DOCK2: variants seen among roughly 807,000 people sequenced by gnomAD.
DOCK2 encodes the protein dedicator of cytokinesis 2.
A neutral mutation model predicts 248.9 loss-of-function variants in DOCK2; 87 were observed. The ratio of observed to expected loss-of-function variants is 0.35; its 90% CI spans 0.29 to 0.42. The LOEUF (loss-of-function observed/expected upper bound fraction) is 0.42, where lower values mean the gene tolerates loss of function less well. Ranked by LOEUF, DOCK2 falls within the 10% of genes least tolerant of loss-of-function variation. The pLI is 1.00. For synonymous variants in DOCK2, 805 were observed against 821.6 expected, an observed-to-expected ratio of 0.98 and a Z score of 0.35; for missense variants, 1,747 against 2,300.2, an observed-to-expected ratio of 0.76 and a Z score of 4.92.
chr5:170,012,246 C>T (rs1755328465), intron 32 of DOCK2, among the ~76,000 whole-genome samples: 1 of 147,560 alleles, frequency 6.8e-6, no homozygotes, highest in Admixed American at 6.7e-5. Context: ...AAAGTGTATG[C>T]ATATTGTTTC....
chr5:170,036,811 A>T (rs1256109599), intron 36 of DOCK2, among the ~76,000 whole-genome samples: 1 of 152,136 alleles, frequency 6.6e-6, no homozygotes, highest in Non-Finnish European at 1.5e-5. Context: ...TTTCCTTAAG[A>T]GTGAATACTT....
intron 27 of DOCK2, among the ~76,000 whole-genome samples, chr5:169,924,810 G>A (rs1257806716): frequency 6.6e-6 from 1 of 151,872 alleles, no homozygotes; most frequent in Non-Finnish European, 1.5e-5. Flanking sequence ...ACGCTCTTTG[G>A]CCTGGCACAT....
chr5:169,796,830 G>C (rs1348716325), intron 25 of DOCK2, among the ~76,000 whole-genome samples: 1 of 152,174 alleles, frequency 6.6e-6, no homozygotes, highest in East Asian at 1.9e-4. Flanking sequence ...TCAGGAGAAG[G>C]AGAGAGTTTG....
chr5:170,018,614 C>T (rs1413880905), intron 32 of DOCK2, among the ~76,000 whole-genome samples: 4 of 152,210 alleles, frequency 2.6e-5, no homozygotes, highest in Non-Finnish European at 4.4e-5. Context: ...GACATAATTT[C>T]AAATGTGCTG....
chr5:169,797,290 A>T (rs573463768), intron 25 of DOCK2, among the ~76,000 whole-genome samples: 2 of 152,216 alleles, frequency 1.3e-5, no homozygotes, highest in African/African-American at 2.4e-5. Flanking sequence ...GTGATTGCAG[A>T]TGTGATTTTG....
chr5:169,930,623 C>T lies in DOCK2; in HGVS notation c.2800-52445C>T, dbSNP rs75977758. The stretch of plus-strand genomic sequence containing the variant: ...TGCCAAATCAATTTGTGCAAAATAA[C>T]GGTAGACAAGGATGAGCTGCGGCTG... On this transcript the variant is annotated intron_variant, in intron 27 of 51. Coordinates refer to ENST00000520908, the MANE Select transcript of DOCK2 (RefSeq NM_004946.3). Among the ~76,000 whole-genome samples, 1,082 of 152,256 alleles carry T rather than the reference C, an allele frequency of 7.1e-3. 14 individuals carry two copies. Among genetic ancestry groups the T allele is most frequent in the African/African-American group, 0.025 (1,040 of 41,530 alleles).
chr5:169,939,684 G>A (rs13174771), intron 27 of DOCK2, among the ~76,000 whole-genome samples: 35,074 of 152,064 alleles, frequency 0.23, 4,257 homozygotes, highest in Non-Finnish European at 0.26. Flanking sequence ...GCTCCATTCC[G>A]TCATTGACTG....
chr5:169,702,587 A>C (rs1012475525), intron 14 of DOCK2, 160 bp downstream of exon 14: 5 of 992,266 alleles, frequency 5.0e-6, no homozygotes, highest in Non-Finnish European at 7.1e-6. Flanking sequence ...TGGTTAGTGC[A>C]GTGTTCCATA....
intron 36 of DOCK2, among the ~76,000 whole-genome samples, chr5:170,036,787 C>T (rs1040914715): frequency 3.3e-5 from 5 of 152,314 alleles, no homozygotes; most frequent in African/African-American, 1.2e-4. Context: ...TCCTGTTGTT[C>T]CCACAGATCA....
chr5:170,082,852 C>A lies in DOCK2; in HGVS notation c.5487C>A (p.Asp1829Glu). The change falls in exon 52 of 52, where the codon GAC becomes GAA. Residue 1829 changes from aspartate (D) to glutamate (E), a missense_variant. By Grantham distance (45) the Asp-to-Glu change is conservative. Around this residue, in one of 4 missense-constraint regions of DOCK2, gnomAD observed 513 missense variants for 586.1 expected, o/e 0.88. Transcript: ENST00000520908. Reference sequence around the variant, plus strand: ...AGATCCCAGACTCGCTGTCCACGGACCTGTGAGCTGCTGCTGACTAGGGCT... The same window carrying A: ...AGATCCCAGACTCGCTGTCCACGGAACTGTGAGCTGCTGCTGACTAGGGCT... Reference protein sequence around the residue: ...GKQIPDSLSTDL With the variant: ...GKQIPDSLSTEL 6.2e-7 allele frequency: 1 copy of A among 1,614,174 alleles called. No homozygotes were observed. Among genetic ancestry groups the A allele is most frequent in the Non-Finnish European group, 8.5e-7 (1 of 1,180,026 alleles).
intron 25 of DOCK2, among the ~76,000 whole-genome samples, chr5:169,772,332 T>C (rs961764762): frequency 6.6e-6 from 1 of 152,228 alleles, no homozygotes; most frequent in Non-Finnish European, 1.5e-5. Flanking sequence ...ATGAAAGAAA[T>C]AATTTTCCTT....
chr5:169,931,605 C>T (rs1775757776), intron 27 of DOCK2, among the ~76,000 whole-genome samples: 1 of 152,208 alleles, frequency 6.6e-6, no homozygotes, highest in South Asian at 2.1e-4. Context: ...TTGACTTTGG[C>T]AAACTGACAC....
intron 30 of DOCK2, among the ~76,000 whole-genome samples, chr5:169,998,684 C>A (rs988627551): frequency 6.6e-6 from 1 of 152,158 alleles, no homozygotes; most frequent in African/African-American, 2.4e-5. Context: ...AAGTTGGGAC[C>A]AGAACACAGT....
intron 10 of DOCK2, among the ~76,000 whole-genome samples, chr5:169,696,894 C>T (rs1468406953): frequency 6.6e-6 from 1 of 151,952 alleles, no homozygotes; most frequent in Non-Finnish European, 1.5e-5. Context: ...GCATTTTCCC[C>T]AGAGCCTTAG....
At chr5:169,952,557 A>G (rs557129295) in intron 27 of DOCK2, among the ~76,000 whole-genome samples, 44 of 152,280 alleles carry the variant, frequency 2.9e-4, no homozygotes, top group African/African-American at 1.0e-3. Context: ...CTGAGAAGGT[A>G]GTGTGGCACT....
chr5:169,804,646 T>C (rs1197502926), intron 26 of DOCK2, among the ~76,000 whole-genome samples: 2 of 152,216 alleles, frequency 1.3e-5, no homozygotes, highest in African/African-American at 4.8e-5. Context: ...CTGCTCACCC[T>C]GATCCTAGAT....
intron 48 of DOCK2, 81 bp from the exon 49 acceptor site, chr5:170,078,894 C>T: frequency 1.3e-6 from 2 of 1,540,598 alleles, no homozygotes; most frequent in Non-Finnish European, 1.8e-6. Flanking sequence ...CAAAGGTCCC[C>T]TTCAGCTTCC....
In DOCK2 at chr5:169,852,381, G is replaced by A. The variant is rs141153893; in HGVS notation, c.2799+11529G>A. ...GAAACAGCGTATCTGCCATTTGGGCGTTGGCTGAGTACCTCCATCCCTGAC... is the reference window on the plus strand; with the variant it reads ...GAAACAGCGTATCTGCCATTTGGGCATTGGCTGAGTACCTCCATCCCTGAC... On this transcript the variant is annotated intron_variant, in intron 27 of 51. Coordinates refer to ENST00000520908, the MANE Select transcript of DOCK2 (RefSeq NM_004946.3). 4.3e-3 allele frequency among the ~76,000 whole-genome samples: 662 copies of A among 152,336 alleles called. 7 individuals are homozygous for A. Among genetic ancestry groups the A allele is most frequent in the South Asian group, 0.021 (102 of 4,828 alleles).
intron 27 of DOCK2, among the ~76,000 whole-genome samples, chr5:169,920,618 G>T (rs543163495): frequency 4.3e-4 from 65 of 152,224 alleles, no homozygotes; most frequent in Non-Finnish European, 7.9e-4. Context: ...CTCAGCTCAA[G>T]AATTCCACTG....
Sources: allele counts gnomAD v4.1 joint callset (sites outside exome capture counted in the v4.1 genomes callset), GRCh38; gene constraint gnomAD v4.1.1; regional missense constraint gnomAD v4.1.1; transcripts MANE v1.5; gene names NCBI Gene and HGNC (gene_info 2026-07-23, HGNC 2026-07-21).